The following WRN variants were observed in gnomAD, a reference collection of about 807,000 sequenced individuals.
WRN encodes WRN RecQ like helicase.
Under a neutral mutation model 180.7 loss-of-function variants are expected in WRN, and 149 were observed. The ratio of observed to expected loss-of-function variants is 0.82; its 90% CI spans 0.72 to 0.94. WRN has a LOEUF of 0.94. Ranked by LOEUF, WRN falls within the 40% of genes least tolerant of loss-of-function variation. The pLI is 0.00. For missense variants in WRN, 1,661 were observed against 1,700.1 expected (o/e 0.98, Z 0.40); for synonymous variants, 548 against 568.9 (o/e 0.96, Z 0.52).
rs1411846723 is a variant in WRN at position 31,141,787 on chromosome 8, AG to A, written c.3233+13del. ...TTGCTTCTGCCTAGGTTCATTTTTC[AG>A]TTTTTTTCTTGTAACTTCTGCATTT... is the stretch of plus-strand genomic sequence containing the variant. On this transcript the variant is annotated intron_variant, in intron 26 of 34. Transcript: ENST00000298139. 6.2e-7 allele frequency: 1 copy of A among 1,611,934 alleles called. No individual in the cohort carries two copies. The highest frequency in any genetic ancestry group is 1.3e-5 in the African/African-American group (1 of 74,962).
intron 18 of WRN, among the ~76,000 whole-genome samples, chr8:31,108,099 A>G (rs1801166566): frequency 6.6e-6 from 1 of 152,246 alleles, no homozygotes; most frequent in Non-Finnish European, 1.5e-5. Flanking sequence ...TATGTCTAAG[A>G]TTAATTTATA....
At chr8:31,161,047 A>G (rs1803594905) in intron 33 of WRN, among the ~76,000 whole-genome samples, 1 of 144,508 alleles carries the variant, frequency 6.9e-6, no homozygotes, top group Non-Finnish European at 1.5e-5. Context: ...TTCTGTTGGC[A>G]TTTTTGCTAT....
At chr8:31,070,384 G>C (rs1481988128) in intron 7 of WRN, among the ~76,000 whole-genome samples, 1 of 151,744 alleles carries the variant, frequency 6.6e-6, no homozygotes, top group East Asian at 2.0e-4. Context: ...AAAAAGATTA[G>C]AACATAAAAG....
At chr8:31,160,358 A>C (rs937218714) in intron 33 of WRN, among the ~76,000 whole-genome samples, 12 of 152,234 alleles carry the variant, frequency 7.9e-5, no homozygotes, top group Admixed American at 5.2e-4. Flanking sequence ...CAAATCCTGA[A>C]GTAAGCTGTA....
intron 1 of WRN, among the ~76,000 whole-genome samples, chr8:31,054,780 C>G (rs548612344): frequency 1.6e-4 from 24 of 152,186 alleles, no homozygotes; most frequent in African/African-American, 5.8e-4. Flanking sequence ...ATGTGCAGGA[C>G]GTGCAGGTTT....
At chr8:31,070,586 A>G (rs1019959746) in intron 7 of WRN, among the ~76,000 whole-genome samples, 1 of 152,156 alleles carries the variant, frequency 6.6e-6, no homozygotes, top group African/African-American at 2.4e-5. Flanking sequence ...TTGGGGATAT[A>G]GATGAGTGAA....
At chr8:31,158,858 G>C (rs1803492542) in intron 33 of WRN, among the ~76,000 whole-genome samples, 1 of 151,928 alleles carries the variant, frequency 6.6e-6, no homozygotes, top group Admixed American at 6.6e-5. Flanking sequence ...TAAGTTCCAG[G>C]GATGCGGGGG....
At position 31,109,565 on chromosome 8, in the gene WRN, C is replaced by T. The variant is rs538418312; in HGVS notation, c.2089-2050C>T. ...GCAAATCTGGGAGTAGTACTCATGT[C>T]TCTGAAGTTGTTATATAGAATTCTT... On this transcript the variant is annotated intron_variant, in intron 18 of 34. Coordinates refer to ENST00000298139, the MANE Select transcript of WRN (RefSeq NM_000553.6). Among the ~76,000 whole-genome samples, 3 of 152,248 alleles carry T rather than the reference C, an allele frequency of 2.0e-5. No homozygotes were observed. In the East Asian group the frequency reaches 5.8e-4, roughly 29 times the overall value.
chr8:31,060,028 C>G (rs1455799572), intron 3 of WRN, among the ~76,000 whole-genome samples: 1 of 151,476 alleles, frequency 6.6e-6, no homozygotes, highest in South Asian at 2.1e-4. Context: ...TGCACTCCAG[C>G]CTGGGCGACA....
intron 21 of WRN, among the ~76,000 whole-genome samples, chr8:31,122,097 A>C (rs1801745662): frequency 6.6e-6 from 1 of 152,048 alleles, no homozygotes. Context: ...AAGATATTTT[A>C]AATGGTTATC....
chr8:31,149,728 G>A (rs1803040568), intron 30 of WRN, among the ~76,000 whole-genome samples: 1 of 151,862 alleles, frequency 6.6e-6, no homozygotes. Flanking sequence ...ACCCGCCCCG[G>A]CCTCCCAAAT....
intron 20 of WRN, 144 bp from the exon 21 acceptor site, chr8:31,120,099 A>G: frequency 2.2e-6 from 2 of 927,702 alleles, no homozygotes; most frequent in Non-Finnish European, 3.4e-6. Flanking sequence ...GATAATCTGT[A>G]AATGATTGGT....
intron 32 of WRN, among the ~76,000 whole-genome samples, chr8:31,156,041 A>T (rs933048892): frequency 3.3e-5 from 5 of 152,270 alleles, no homozygotes; most frequent in Non-Finnish European, 7.3e-5. Context: ...TTGAAATAGA[A>T]CACATAATAA....
Position 31,144,214 on chromosome 8 carries a change from A to G in WRN, c.3383+591A>G, listed in dbSNP as rs115091532. 2.7e-3 allele frequency among the ~76,000 whole-genome samples: 412 copies of G among 152,108 alleles called. 2 individuals carry two copies. The highest frequency in any genetic ancestry group is 9.1e-3 in the African/African-American group (376 of 41,480). On this transcript the variant is annotated intron_variant, in intron 28 of 34. Coordinates refer to ENST00000298139, the MANE Select transcript of WRN (RefSeq NM_000553.6). Reference sequence around the variant, plus strand: ...TGTTCTGTTGTCATGTCTTTGTGTTATATTTTGGTAGTTCTTGACTGGCCA... The same window carrying G: ...TGTTCTGTTGTCATGTCTTTGTGTTGTATTTTGGTAGTTCTTGACTGGCCA...
intron 17 of WRN, among the ~76,000 whole-genome samples, chr8:31,097,759 A>G (rs753210599): frequency 2.0e-5 from 3 of 152,030 alleles, no homozygotes; most frequent in Non-Finnish European, 4.4e-5. Context: ...ATCCTGGGCA[A>G]CAGAGCGAGA....
intron 17 of WRN, 45 bp downstream of exon 17, chr8:31,096,895 AT>A: frequency 1.9e-6 from 3 of 1,546,110 alleles, no homozygotes; most frequent in Non-Finnish European, 2.7e-6. Context: ...CTGAGTTAAT[AT>A]TTAAAGTTAA....
chr8:31,114,326 A>G (rs1198228435), intron 19 of WRN, among the ~76,000 whole-genome samples: 1 of 152,184 alleles, frequency 6.6e-6, no homozygotes, highest in African/African-American at 2.4e-5. Flanking sequence ...AGTACATTTA[A>G]GTGAGATAGA....
At position 31,081,129 on chromosome 8, in the gene WRN, G is replaced by C. The variant is rs1390394847; in HGVS notation, c.1102G>C (p.Glu368Gln). The change falls in exon 9 of 35, where the codon GAA becomes CAA. Residue 368 changes from glutamate to glutamine, a missense_variant. Physicochemically the swap from Glu to Gln is conservative, Grantham distance 29 (BLOSUM62 2). This residue lies in a region of WRN where 500 missense variants were observed against 504.1 expected (regional missense o/e 0.99). Coordinates refer to ENST00000298139, the MANE Select transcript of WRN (RefSeq NM_000553.6). ...AGAAGATGTACTTGGAAATAAAGTG[G>C]AACGAAAAGAAGATGGATTTGAAGA... is the stretch of plus-strand genomic sequence containing the variant. ...DGEDVLGNKV[E>Q]RKEDGFEDGV... is the part of the protein sequence containing the mutation. The C allele has an allele frequency of 1.2e-6, 2 of 1,613,966 alleles. No individual in the cohort carries two copies. The highest frequency in any genetic ancestry group is 2.2e-5 in the South Asian group (2 of 91,062).
At position 31,122,307 on chromosome 8, in the gene WRN, G is replaced by GA. The variant is rs557884767; in HGVS notation, c.2630+1889dup. ...TCATCCTGGTGACAACCCTCTTCTA[G>GA]AAAAAACTAGAAAGTCTAAGAATAA... is the stretch of plus-strand genomic sequence containing the variant. On this transcript the variant is annotated intron_variant, in intron 21 of 34. Transcript: ENST00000298139. Among the ~76,000 whole-genome samples, 26 of 152,042 alleles carry GA rather than the reference G, an allele frequency of 1.7e-4. No homozygotes were observed. In the East Asian group the frequency reaches 4.1e-3, roughly 24 times the overall value.
Sources: gnomAD v4.1 joint callset for allele counts (sites outside exome capture counted in the v4.1 genomes callset) on GRCh38, gnomAD v4.1.1 for gene constraint, gnomAD v4.1.1 regional missense constraint, MANE v1.5 for transcripts, NCBI Gene and HGNC (gene_info 2026-07-23, HGNC 2026-07-21) for gene names.